Variants in RNGTT observed in about 807,000 individuals in gnomAD.
RNGTT encodes the protein RNA guanylyltransferase and 5'-phosphatase.
Under a neutral mutation model 79.3 loss-of-function variants are expected in RNGTT, and 33 were observed. The ratio of observed to expected loss-of-function variants is 0.42; its 90% confidence interval spans 0.32 to 0.56. The LOEUF is 0.56. Ranked by LOEUF, RNGTT falls within the 20% of genes least tolerant of loss-of-function variation. The pLI, the probability that RNGTT is intolerant of heterozygous loss-of-function variation, is 0.17. For missense variants in RNGTT, 497 were observed against 739.1 expected, an observed-to-expected ratio of 0.67 and a Z score of 3.80; for synonymous variants, 222 against 235.9, an observed-to-expected ratio of 0.94 and a Z score of 0.54.
rs546370038 is a variant in RNGTT at position 88,954,918 on chromosome 6, C to G, written c.64+8428G>C. Among the ~76,000 whole-genome samples, 4 of 151,848 alleles carry G rather than the reference C, an allele frequency of 2.6e-5. No homozygotes were observed. In the South Asian group the frequency reaches 6.2e-4, roughly 24 times the overall value. On this transcript the variant is annotated intron_variant, in intron 1 of 15. Transcript: ENST00000369485. ...ATTAGCCAGCCATGTACTAAAAATACATGGTGGCACGGGCTTGTAATCCCA... is the reference window on the plus strand; with the variant it reads ...ATTAGCCAGCCATGTACTAAAAATAGATGGTGGCACGGGCTTGTAATCCCA...
At chr6:88,868,781 T>C (rs893952723) in intron 8 of RNGTT, among the ~76,000 whole-genome samples, 2 of 152,206 alleles carry the variant, frequency 1.3e-5, no homozygotes, top group Non-Finnish European at 2.9e-5. Context: ...GCTCTGAGTG[T>C]GTAGTCAAAA....
chr6:88,945,517 C>T (rs1202825450), intron 1 of RNGTT, among the ~76,000 whole-genome samples: 1 of 152,204 alleles, frequency 6.6e-6, no homozygotes, highest in African/African-American at 2.4e-5. Flanking sequence ...AGCTATTCGT[C>T]CTCAACTCCT....
chr6:88,846,925 A>G (rs1227056095), intron 10 of RNGTT, among the ~76,000 whole-genome samples: 2 of 152,100 alleles, frequency 1.3e-5, no homozygotes, highest in African/African-American at 2.4e-5. Flanking sequence ...TAATACCACT[A>G]TATCTTTTAT....
chr6:88,733,373 C>A lies in RNGTT; in HGVS notation c.1439+36401G>T, dbSNP rs9351172. On this transcript the variant is annotated intron_variant, in intron 13 of 15. Coordinates refer to ENST00000369485, the MANE Select transcript of RNGTT (RefSeq NM_003800.5). ...GACTCTGTCTTCACCCCCCACCCCC[C>A]CTCCAAAAAAAAGAAAAAAGAAATG... Among the ~76,000 whole-genome samples the A allele has an allele frequency of 9.6e-3, 1,439 of 149,804 alleles. 33 individuals are homozygous for A. The highest frequency in any genetic ancestry group is 0.033 in the African/African-American group (1,354 of 40,580).
intron 14 of RNGTT, among the ~76,000 whole-genome samples, chr6:88,658,751 A>G (rs773546632): frequency 1.3e-5 from 2 of 152,212 alleles, no homozygotes; most frequent in Non-Finnish European, 2.9e-5. Flanking sequence ...AGGAACATGG[A>G]AAGACTAGAC....
chr6:88,779,009 A>G (rs1778978265), intron 12 of RNGTT, among the ~76,000 whole-genome samples: 1 of 152,226 alleles, frequency 6.6e-6, no homozygotes, highest in Non-Finnish European at 1.5e-5. Context: ...GGAATGTTGA[A>G]ACTGCAACAT....
intron 8 of RNGTT, among the ~76,000 whole-genome samples, chr6:88,857,863 T>C (rs1000777433): frequency 5.9e-5 from 9 of 152,278 alleles, no homozygotes; most frequent in Middle Eastern, 3.4e-3. Context: ...TTCTGTACTT[T>C]CAAAATTTTT....
intron 1 of RNGTT, among the ~76,000 whole-genome samples, chr6:88,959,560 C>T (rs962060237): frequency 2.0e-5 from 3 of 152,114 alleles, no homozygotes; most frequent in Admixed American, 6.6e-5. Flanking sequence ...ATTTTCCCTT[C>T]TTAATATCTC....
chr6:88,856,798 CCA>C (rs1781859652), intron 8 of RNGTT, among the ~76,000 whole-genome samples: 1 of 152,136 alleles, frequency 6.6e-6, no homozygotes, highest in Admixed American at 6.6e-5. Context: ...CCACATCACT[CCA>C]AAGTCCCTGA....
At chr6:88,867,575 GA>G (rs200755520) in intron 8 of RNGTT, among the ~76,000 whole-genome samples, 6,136 of 150,816 alleles carry the variant, frequency 0.041, 184 homozygotes, top group African/African-American at 0.075. Context: ...CTTTTAATCT[GA>G]AAAAAAAAGT....
intron 4 of RNGTT, 37 bp downstream of exon 4, chr6:88,928,947 TA>T: frequency 6.8e-7 from 1 of 1,464,558 alleles, no homozygotes; most frequent in Non-Finnish European, 9.3e-7. Flanking sequence ...AACTGCAAAA[TA>T]AAATATTCAA....
At chr6:88,816,841 T>A (rs192957734) in intron 11 of RNGTT, among the ~76,000 whole-genome samples, 1 of 152,250 alleles carries the variant, frequency 6.6e-6, no homozygotes, top group African/African-American at 2.4e-5. Flanking sequence ...AAAATTTCAA[T>A]GTCATTGTTT....
At chr6:88,858,792 T>C (rs940255802) in intron 8 of RNGTT, among the ~76,000 whole-genome samples, 5 of 151,816 alleles carry the variant, frequency 3.3e-5, no homozygotes, top group African/African-American at 9.7e-5. Context: ...CCAGCACAGG[T>C]TGTAATGTGA....
intron 14 of RNGTT, among the ~76,000 whole-genome samples, chr6:88,674,124 A>C (rs1490543808): frequency 6.6e-6 from 1 of 152,264 alleles, no homozygotes; most frequent in Non-Finnish European, 1.5e-5. Context: ...AGAAAAGTCA[A>C]GAGGTTCCAT....
At chr6:88,788,429 G>A (rs1779300010) in intron 12 of RNGTT, among the ~76,000 whole-genome samples, 1 of 152,240 alleles carries the variant, frequency 6.6e-6, no homozygotes, top group Non-Finnish European at 1.5e-5. Context: ...AGAGTGAACA[G>A]AATATAGACT....
chr6:88,661,148 C>A (rs1306690578), intron 14 of RNGTT, among the ~76,000 whole-genome samples: 1 of 151,952 alleles, frequency 6.6e-6, no homozygotes, highest in Non-Finnish European at 1.5e-5. Context: ...CTATCAAAAC[C>A]TCTGGGATAC....
At chr6:88,845,832 G>T (rs1489672714) in intron 10 of RNGTT, among the ~76,000 whole-genome samples, 1 of 152,014 alleles carries the variant, frequency 6.6e-6, no homozygotes, top group Non-Finnish European at 1.5e-5. Context: ...TATTTATTGG[G>T]GAAATGCTAG....
chr6:88,770,439 AT>A (rs1778614212), intron 12 of RNGTT, among the ~76,000 whole-genome samples: 1 of 152,174 alleles, frequency 6.6e-6, no homozygotes, highest in African/African-American at 2.4e-5. Context: ...TTTATGTAAG[AT>A]TTTTGAGATG....
In RNGTT at chr6:88,940,556, G is replaced by C. The variant is rs145862757; in HGVS notation, c.174+515C>G. Reference sequence around the variant, plus strand: ...AGTTTCCTTGGTAGCTCAGGGTGTGGTTGTTAGTGGAGGCTATAGTAAGTT... The same window carrying C: ...AGTTTCCTTGGTAGCTCAGGGTGTGCTTGTTAGTGGAGGCTATAGTAAGTT... On this transcript the variant is annotated intron_variant, in intron 2 of 15. Coordinates refer to ENST00000369485, the MANE Select transcript of RNGTT (RefSeq NM_003800.5). Among the ~76,000 whole-genome samples, 845 of 152,308 alleles carry C rather than the reference G, an allele frequency of 5.5e-3. 7 individuals carry two copies. The highest frequency in any genetic ancestry group is 0.019 in the African/African-American group (806 of 41,568).
Sources: gnomAD v4.1 joint callset for allele counts (sites outside exome capture counted in the v4.1 genomes callset) on GRCh38, gnomAD v4.1.1 for gene constraint, MANE v1.5 for transcripts, NCBI Gene and HGNC (gene_info 2026-07-23, HGNC 2026-07-21) for gene names.